ZNF483: variants seen among roughly 807,000 people sequenced by gnomAD.
The protein encoded by ZNF483 is zinc finger protein 483.
A neutral mutation model predicts 28.6 loss-of-function variants in ZNF483; 9 were observed. That is an observed-to-expected ratio of 0.32 (90% CI 0.19 to 0.55). The LOEUF is 0.55. Ranked by LOEUF, ZNF483 falls within the 20% of genes least tolerant of loss-of-function variation. ZNF483 has a pLI of 0.93. For synonymous variants in ZNF483, 322 were observed against 306.2 expected, an observed-to-expected ratio of 1.05 and a Z score of -0.54; for missense variants, 675 against 871.7, an observed-to-expected ratio of 0.77 and a Z score of 2.84.
chr9:111,536,564 A>T (rs1466250392), intron 5 of ZNF483, among the ~76,000 whole-genome samples: 6 of 152,054 alleles, frequency 3.9e-5, no homozygotes, highest in Admixed American at 3.9e-4. Context: ...ATGTATCAAT[A>T]CCTTGGTTTA....
At chr9:111,560,636 C>CAA (rs1015199330) in intron 5 of ZNF483, among the ~76,000 whole-genome samples, 1,987 of 25,962 alleles carry the variant, frequency 0.077, 183 homozygotes, top group East Asian at 0.27. Flanking sequence ...GACACCATCT[C>CAA]AAAAAAAAAA....
At chr9:111,572,048 C>T (rs1291155930) in intron 5 of ZNF483, among the ~76,000 whole-genome samples, 1 of 152,216 alleles carries the variant, frequency 6.6e-6, no homozygotes, top group Non-Finnish European at 1.5e-5. Flanking sequence ...TCCAGGAAGT[C>T]AGGCGAAGAT....
chr9:111,554,785 C>T lies in ZNF483; in HGVS notation c.*11615C>T, dbSNP rs1385937999. On this transcript the variant is annotated 3_prime_UTR_variant, in exon 6 of 6. Coordinates refer to ENST00000309235, the MANE Select transcript of ZNF483 (RefSeq NM_133464.5). ...CCAAGATTGAGGGTAACTGAAACCACGGAAAGTGAAACTTTGAATAAGGGG... is the reference window on the plus strand; with the variant it reads ...CCAAGATTGAGGGTAACTGAAACCATGGAAAGTGAAACTTTGAATAAGGGG... Among the ~76,000 whole-genome samples the T allele has an allele frequency of 1.3e-5, 2 of 152,102 alleles. No individual in the cohort carries two copies. Among genetic ancestry groups the T allele is most frequent in the Admixed American group, 6.5e-5 (1 of 15,268 alleles).
chr9:111,533,080 ATAT>A (rs1298658456), intron 3 of ZNF483, among the ~76,000 whole-genome samples: 6 of 152,230 alleles, frequency 3.9e-5, no homozygotes, highest in African/African-American at 1.4e-4. Context: ...GTAGTTGCAG[ATAT>A]TATTGTACAG....
At chr9:111,561,567 G>A (rs938024771) in intron 5 of ZNF483, among the ~76,000 whole-genome samples, 7 of 152,110 alleles carry the variant, frequency 4.6e-5, no homozygotes, top group African/African-American at 1.7e-4. Context: ...TGGCCCTTCA[G>A]TAATGTTTTA....
At chr9:111,534,808 C>A (rs536752863) in intron 5 of ZNF483, among the ~76,000 whole-genome samples, 353 of 148,960 alleles carry the variant, frequency 2.4e-3, no homozygotes, top group Non-Finnish European at 4.0e-3. Flanking sequence ...ACTGCAACCT[C>A]CGCCTCCCGG....
rs1827792668 is a variant in ZNF483 at position 111,545,757 on chromosome 9, T to G, written c.*2587T>G. Among the ~76,000 whole-genome samples, 2 of 152,196 alleles carry G rather than the reference T, an allele frequency of 1.3e-5. No individual in the cohort carries two copies. Among genetic ancestry groups the G allele is most frequent in the Admixed American group, 1.3e-4 (2 of 15,274 alleles). On this transcript the variant is annotated 3_prime_UTR_variant, in exon 6 of 6. Transcript: ENST00000309235. ...CCTTTTTATCATAAATAATATTACATTATGTGGATGCTTCGTGCATTCACT... is the reference window on the plus strand; with the variant it reads ...CCTTTTTATCATAAATAATATTACAGTATGTGGATGCTTCGTGCATTCACT...
At chr9:111,571,014 G>GTAGCTGGGACTATAGGTGCATGC (rs1176703185) in intron 5 of ZNF483, among the ~76,000 whole-genome samples, 2 of 151,074 alleles carry the variant, frequency 1.3e-5, no homozygotes, top group Admixed American at 1.3e-4. Flanking sequence ...AATACAGGCA[G>GTAGCTGGGACTATAGGTGCATGC]CTGCTAGAAG....
In ZNF483 at chr9:111,553,240, A is replaced by G. The variant is rs1005993419; in HGVS notation, c.*10070A>G. Among the ~76,000 whole-genome samples the G allele has an allele frequency of 1.3e-5, 2 of 152,224 alleles. No homozygotes were observed. Among genetic ancestry groups the G allele is most frequent in the African/African-American group, 2.4e-5 (1 of 41,468 alleles). On this transcript the variant is annotated 3_prime_UTR_variant, in exon 6 of 6. Coordinates refer to ENST00000309235, the MANE Select transcript of ZNF483 (RefSeq NM_133464.5). The stretch of plus-strand genomic sequence containing the variant: ...TTTTGCTCTGCTGCAGTAAATTGCA[A>G]TTGCCATTCATCATTAAATGTGCAC...
chr9:111,534,467 T>A, intron 5 of ZNF483, 114 bp downstream of exon 5: 1 of 866,494 alleles, frequency 1.2e-6, no homozygotes, highest in Non-Finnish European at 1.8e-6. Context: ...ATGATTAGAA[T>A]AGAGCCCTTG....
rs1179853860 is a variant in ZNF483, at chr9:111,548,235, G to A, written c.*5065G>A. 1.3e-5 allele frequency among the ~76,000 whole-genome samples: 2 copies of A among 152,088 alleles called. No homozygotes were observed. Among genetic ancestry groups the A allele is most frequent in the African/African-American group, 4.8e-5 (2 of 41,408 alleles). On this transcript the variant is annotated 3_prime_UTR_variant, in exon 6 of 6. Coordinates refer to ENST00000309235, the MANE Select transcript of ZNF483 (RefSeq NM_133464.5). ...GCATTGAATTTGTAGATCGCTTTGGGTAATGTGGACATACTAACAATAACA... is the reference window on the plus strand; with the variant it reads ...GCATTGAATTTGTAGATCGCTTTGGATAATGTGGACATACTAACAATAACA...
rs1477126242 is a variant in ZNF483 at position 111,543,228 on chromosome 9, C to T, written c.*58C>T. 5.9e-6 allele frequency: 9 copies of T among 1,532,612 alleles called. No homozygotes were observed. Among genetic ancestry groups the T allele is most frequent in the Non-Finnish European group, 7.9e-6 (9 of 1,145,332 alleles). 94.9% of individuals were successfully genotyped at this position (1,532,612 alleles called of 1,614,324 possible). On this transcript the variant is annotated 3_prime_UTR_variant, in exon 6 of 6. Transcript: ENST00000309235. ...ATTCAAATTGTCAGTTACTGAAACC[C>T]TGGGATGTAAACTTACAGTATTGAT...
rs1828044079 is a variant in ZNF483, at chr9:111,553,939, C to A, written c.*10769C>A. The stretch of plus-strand genomic sequence containing the variant: ...TTGTTGCTTTCCCATATTTTGTAGT[C>A]ATGCTGTGTGGAGCACATAACTTCC... On this transcript the variant is annotated 3_prime_UTR_variant, in exon 6 of 6. Coordinates refer to ENST00000309235, the MANE Select transcript of ZNF483 (RefSeq NM_133464.5). Among the ~76,000 whole-genome samples the A allele has an allele frequency of 6.6e-6, 1 of 152,290 alleles. No homozygotes were observed. Among genetic ancestry groups the A allele is most frequent in the East Asian group, 1.9e-4 (1 of 5,182 alleles).
intron 5 of ZNF483, among the ~76,000 whole-genome samples, chr9:111,568,467 T>G (rs1377518305): frequency 6.6e-6 from 1 of 152,198 alleles, no homozygotes; most frequent in Non-Finnish European, 1.5e-5. Flanking sequence ...TTGTTGAAGA[T>G]GTTTATCAAG....
Position 111,543,238 on chromosome 9 carries a change from A to G in ZNF483, c.*68A>G. On this transcript the variant is annotated 3_prime_UTR_variant, in exon 6 of 6. Coordinates refer to ENST00000309235, the MANE Select transcript of ZNF483 (RefSeq NM_133464.5). The stretch of plus-strand genomic sequence containing the variant: ...TCAGTTACTGAAACCCTGGGATGTA[A>G]ACTTACAGTATTGATCAGTAGCTGC... The G allele has an allele frequency of 6.6e-7, 1 of 1,526,122 alleles. No individual in the cohort carries two copies. The highest frequency in any genetic ancestry group is 8.7e-7 in the Non-Finnish European group (1 of 1,143,018). The allele number at this position is 1,526,122 out of a possible 1,614,324, so 94.5% of individuals were successfully genotyped here.
At position 111,543,459 on chromosome 9, in the gene ZNF483, A is replaced by C. The variant is rs778647862; in HGVS notation, c.*289A>C. 7.9e-6 allele frequency: 9 copies of C among 1,141,684 alleles called. No homozygotes were observed. The South Asian group carries it at 1.9e-4, about 25-fold the overall frequency. The allele number at this position is 1,141,684 out of a possible 1,614,324, so 70.7% of individuals were successfully genotyped here. A position where few individuals can be genotyped will look rare whatever the true frequency, so the allele number is the denominator to read the frequency against. On this transcript the variant is annotated 3_prime_UTR_variant, in exon 6 of 6. Coordinates refer to ENST00000309235, the MANE Select transcript of ZNF483 (RefSeq NM_133464.5). The stretch of plus-strand genomic sequence containing the variant: ...GGATTTCTCTCTGATTTCTTCTACT[A>C]CCATGTAGTGTGATGGAGAGAACTT...
Position 111,546,552 on chromosome 9 carries a change from G to A in ZNF483, c.*3382G>A, listed in dbSNP as rs1827811674. Among the ~76,000 whole-genome samples the A allele has an allele frequency of 6.6e-6, 1 of 152,154 alleles. No homozygotes were observed. ...GTGACACATTTTACTTTAAAATGAAGTCCTTGCTTTAAATAATGTTTCCTC... is the reference window on the plus strand; with the variant it reads ...GTGACACATTTTACTTTAAAATGAAATCCTTGCTTTAAATAATGTTTCCTC... On this transcript the variant is annotated 3_prime_UTR_variant, in exon 6 of 6. Transcript: ENST00000309235.
At chr9:111,576,630 G>C (rs531227966) in exon 6 of ZNF483, 1 of 521,478 alleles carries the variant, frequency 1.9e-6, no homozygotes, top group African/African-American at 1.9e-5. Flanking sequence ...ACTAGGATGA[G>C]TTGTTTTAAG....
intron 5 of ZNF483, chr9:111,570,289 CTG>C (rs1275321169): frequency 2.4e-5 from 36 of 1,515,308 alleles, no homozygotes; most frequent in Non-Finnish European, 3.0e-5. Context: ...GTCACTGTCA[CTG>C]TGCTTGGTGC....
Sources: gnomAD v4.1 joint callset for allele counts (sites outside exome capture counted in the v4.1 genomes callset) on GRCh38, gnomAD v4.1.1 for gene constraint, MANE v1.5 for transcripts, NCBI Gene and HGNC (gene_info 2026-07-23, HGNC 2026-07-21) for gene names.